Variants in JAZF1 observed in about 807,000 individuals in gnomAD.
JAZF1 encodes the protein juxtaposed with another zinc finger protein 1.
Under a neutral mutation model 26.4 loss-of-function variants are expected in JAZF1, and 8 were observed. The ratio of observed to expected loss-of-function variants is 0.30; its 90% confidence interval spans 0.18 to 0.55. The LOEUF is 0.55. JAZF1 is among the 20% of genes least tolerant of loss of function. JAZF1 has a pLI of 0.94. For missense variants in JAZF1, 199 were observed against 322.0 expected (o/e 0.62, Z 2.92); for synonymous variants, 126 against 122.3 (o/e 1.03, Z -0.20).
chr7:27,835,336 A>G (rs1384206959), intron 4 of JAZF1, among the ~76,000 whole-genome samples: 2 of 152,228 alleles, frequency 1.3e-5, no homozygotes, highest in Non-Finnish European at 2.9e-5. Context: ...AAAGCCATAA[A>G]AGCCAGTCCA....
chr7:28,134,313 T>C (rs567229157), intron 1 of JAZF1, among the ~76,000 whole-genome samples: 187 of 152,268 alleles, frequency 1.2e-3, no homozygotes, highest in Non-Finnish European at 2.4e-3. Context: ...TGATGATTGA[T>C]TGAGAGAGAC....
rs1191112517 is a variant in JAZF1, at chr7:27,832,033, A to AAT, written c.*765_*766dup. On this transcript the variant is annotated 3_prime_UTR_variant, in exon 5 of 5. Transcript: ENST00000283928. ...TGGTCCGCAGATATCAATAGGCATA[A>AAT]ATTGAATCCCTTGTACCCAGCAGGC... 1 of 215,856 alleles carries AAT rather than the reference A, an allele frequency of 4.6e-6. No homozygotes were observed. The highest frequency in any genetic ancestry group is 9.4e-6 in the Non-Finnish European group (1 of 106,922). 13.4% of individuals were successfully genotyped at this position (215,856 alleles called of 1,614,324 possible). A position where few individuals can be genotyped will look rare whatever the true frequency, so the allele number is the denominator to read the frequency against.
intron 3 of JAZF1, among the ~76,000 whole-genome samples, chr7:27,861,596 G>C: frequency 1.4e-5 from 1 of 70,622 alleles, no homozygotes; most frequent in Non-Finnish European, 2.7e-5. Context: ...GTAAGGAGAA[G>C]GTTGTTGTTT....
At chr7:28,038,827 G>A (rs943659625) in intron 1 of JAZF1, among the ~76,000 whole-genome samples, 4 of 152,078 alleles carry the variant, frequency 2.6e-5, no homozygotes, top group African/African-American at 9.7e-5. Flanking sequence ...TGAACATATC[G>A]GTAGTTTAGT....
intron 1 of JAZF1, among the ~76,000 whole-genome samples, chr7:28,162,605 T>C (rs1783310795): frequency 6.6e-6 from 1 of 152,206 alleles, no homozygotes; most frequent in Non-Finnish European, 1.5e-5. Context: ...GACAGACAAG[T>C]AAAAGGACAG....
At chr7:27,883,619 T>C (rs2128339932) in intron 3 of JAZF1, among the ~76,000 whole-genome samples, 1 of 152,254 alleles carries the variant, frequency 6.6e-6, no homozygotes, top group Admixed American at 6.5e-5. Flanking sequence ...CAACATGGAC[T>C]GAACCTGGGC....
At chr7:27,963,720 C>T (rs1441759456) in intron 2 of JAZF1, among the ~76,000 whole-genome samples, 1 of 38,390 alleles carries the variant, frequency 2.6e-5, no homozygotes, top group Non-Finnish European at 4.6e-5. Context: ...CGTCACCACA[C>T]CGGTTTTGTT....
chr7:28,101,687 T>C (rs1156810433), intron 1 of JAZF1, among the ~76,000 whole-genome samples: 6 of 150,842 alleles, frequency 4.0e-5, no homozygotes, highest in African/African-American at 1.5e-4. Context: ...GAGGCTGCAG[T>C]GAGCTGTGAT....
intron 1 of JAZF1, among the ~76,000 whole-genome samples, chr7:27,998,210 T>C (rs1022859488): frequency 1.3e-5 from 2 of 152,142 alleles, no homozygotes; most frequent in African/African-American, 4.8e-5. Flanking sequence ...CTGAGTCTTA[T>C]TGGGCCAGCA....
intron 1 of JAZF1, among the ~76,000 whole-genome samples, chr7:28,012,844 C>G (rs1273316559): frequency 2.0e-5 from 3 of 152,246 alleles, no homozygotes; most frequent in African/African-American, 2.4e-5. Context: ...ACTTGTGGAT[C>G]TGTATTTAAA....
chr7:28,152,774 A>G (rs752068515), intron 1 of JAZF1, among the ~76,000 whole-genome samples: 1 of 152,228 alleles, frequency 6.6e-6, no homozygotes, highest in Non-Finnish European at 1.5e-5. Flanking sequence ...AGCTAGGTCT[A>G]TTGACACAGG....
intron 1 of JAZF1, among the ~76,000 whole-genome samples, chr7:27,998,547 T>C (rs1217360343): frequency 6.6e-6 from 1 of 152,218 alleles, no homozygotes; most frequent in Non-Finnish European, 1.5e-5. Flanking sequence ...GACATGTCAT[T>C]TGAAACTTTT....
intron 1 of JAZF1, 130 bp from the exon 2 acceptor site, chr7:27,992,111 G>T: frequency 1.4e-6 from 1 of 718,434 alleles, no homozygotes; most frequent in African/African-American, 1.7e-5. Context: ...AAAGAAAACT[G>T]AGTCGGCGAA....
chr7:28,129,382 T>C (rs1034333296), intron 1 of JAZF1, among the ~76,000 whole-genome samples: 2 of 152,098 alleles, frequency 1.3e-5, no homozygotes, highest in African/African-American at 4.8e-5. Flanking sequence ...TCAGAATCAC[T>C]TGTGATGCCT....
chr7:27,930,144 T>C (rs572326496), intron 2 of JAZF1, among the ~76,000 whole-genome samples: 1 of 152,158 alleles, frequency 6.6e-6, no homozygotes, highest in South Asian at 2.1e-4. Context: ...TACAGGCACC[T>C]GCCACCACGC....
chr7:27,979,132 G>C (rs764714753), intron 2 of JAZF1, among the ~76,000 whole-genome samples: 27 of 151,994 alleles, frequency 1.8e-4, no homozygotes, highest in Non-Finnish European at 3.5e-4. Flanking sequence ...GAGTAGATCT[G>C]TAACTAAGTT....
chr7:28,128,548 G>T (rs927186734), intron 1 of JAZF1, among the ~76,000 whole-genome samples: 1 of 152,038 alleles, frequency 6.6e-6, no homozygotes, highest in African/African-American at 2.4e-5. Context: ...CATATTCACA[G>T]GCCCGGCCCC....
chr7:27,942,035 C>T (rs1265464049), intron 2 of JAZF1, among the ~76,000 whole-genome samples: 2 of 152,194 alleles, frequency 1.3e-5, no homozygotes, highest in African/African-American at 4.8e-5. Context: ...GGAGGCAACA[C>T]CATTTCACCT....
intron 1 of JAZF1, among the ~76,000 whole-genome samples, chr7:28,035,446 T>C (rs2128375872): frequency 6.6e-6 from 1 of 150,550 alleles, no homozygotes; most frequent in Non-Finnish European, 1.5e-5. Context: ...ATGAGAAACT[T>C]AAGAAATCTA....
Sources: allele counts gnomAD v4.1 joint callset (sites outside exome capture counted in the v4.1 genomes callset), GRCh38; gene constraint gnomAD v4.1.1; transcripts MANE v1.5; gene names NCBI Gene and HGNC (gene_info 2026-07-23, HGNC 2026-07-21).